The following CNDP1 variants were observed in gnomAD, a reference collection of about 807,000 sequenced individuals.
CNDP1 encodes the protein beta-Ala-His dipeptidase.
In CNDP1, 44 loss-of-function variants were observed where a neutral mutation model predicts 58.1. That is an observed-to-expected ratio of 0.76 (90% CI 0.60 to 0.97). The LOEUF (loss-of-function observed/expected upper bound fraction) is 0.97. Among genes scored for constraint, CNDP1 ranks in the 50% least tolerant of loss-of-function variants. The probability of loss-of-function intolerance (pLI) is 0.00; values close to 1 mark genes in which losing one functional copy is unlikely to be tolerated. For missense variants in CNDP1, 616 were observed against 655.1 expected (o/e 0.94, Z 0.65); for synonymous variants, 254 against 252.6 (o/e 1.01, Z -0.05).
intron 9 of CNDP1, 42 bp downstream of exon 9, chr18:74,578,369 T>C: frequency 6.4e-7 from 1 of 1,556,500 alleles, no homozygotes; most frequent in Non-Finnish European, 8.8e-7. Context: ...TTCAGTAACA[T>C]GGTTTCTGAA....
chr18:74,536,091 G>C (rs981652460), intron 1 of CNDP1, among the ~76,000 whole-genome samples: 6 of 152,176 alleles, frequency 3.9e-5, no homozygotes, highest in African/African-American at 1.4e-4. Flanking sequence ...TGATATGAAA[G>C]AGAGGAAGAG....
In CNDP1 at chr18:74,567,224, G is replaced by A. The variant is rs1487331458; in HGVS notation, c.556-9G>A. 4 of 1,612,928 alleles carry A rather than the reference G, an allele frequency of 2.5e-6. No individual in the cohort carries two copies. Among genetic ancestry groups the A allele is most frequent in the South Asian group, 1.1e-5 (1 of 91,058 alleles). On this transcript the variant is annotated splice_polypyrimidine_tract_variant and intron_variant, in intron 5 of 11. Transcript: ENST00000358821. Reference sequence around the variant, plus strand: ...ACTTGTGCAATTTTTTTCTTCTGTTGTTACTTAGGATCTTCCTGTGAATAT... The same window carrying A: ...ACTTGTGCAATTTTTTTCTTCTGTTATTACTTAGGATCTTCCTGTGAATAT...
intron 7 of CNDP1, chr18:74,576,615 G>A (rs1378794492): frequency 1.6e-5 from 6 of 386,668 alleles, no homozygotes; most frequent in Non-Finnish European, 2.3e-5. Flanking sequence ...GCAGGCCCAG[G>A]TGTTTTCAGC....
chr18:74,563,623 A>G (rs1317230823), intron 5 of CNDP1, among the ~76,000 whole-genome samples: 1 of 152,196 alleles, frequency 6.6e-6, no homozygotes, highest in Non-Finnish European at 1.5e-5. Context: ...GTGAAGAAAC[A>G]TCTCCATGGG....
At chr18:74,558,392 C>CTTTT (rs71168498) in intron 2 of CNDP1, among the ~76,000 whole-genome samples, 32,234 of 110,414 alleles carry the variant, frequency 0.29, 5,036 homozygotes, top group Non-Finnish European at 0.33. Flanking sequence ...CTTTCTTTTT[C>CTTTT]TTTTTTTTTT....
intron 1 of CNDP1, 49 bp downstream of exon 1, chr18:74,534,740 C>T: frequency 1.2e-6 from 2 of 1,609,992 alleles, no homozygotes; most frequent in Non-Finnish European, 1.7e-6. Flanking sequence ...TGCCAGAATT[C>T]CATTTGTCCC....
At chr18:74,579,509 C>T (rs1391319153) in intron 9 of CNDP1, among the ~76,000 whole-genome samples, 1 of 152,046 alleles carries the variant, frequency 6.6e-6, no homozygotes, top group African/African-American at 2.4e-5. Flanking sequence ...AGAACAGTCT[C>T]TGGGACATGA....
intron 7 of CNDP1, among the ~76,000 whole-genome samples, chr18:74,572,289 T>C (rs1209959489): frequency 2.0e-5 from 3 of 152,098 alleles, no homozygotes; most frequent in Non-Finnish European, 4.4e-5. Context: ...GAGCTGCCCA[T>C]AGTGGGTTCC....
At chr18:74,577,622 A>T (rs1004847786) in intron 8 of CNDP1, 15 of 152,610 alleles carry the variant, frequency 9.8e-5, no homozygotes, top group African/African-American at 3.6e-4. Flanking sequence ...CGAGAGGGGG[A>T]AAAGCAAGCT....
Position 74,538,887 on chromosome 18 carries a change from G to A in CNDP1, c.24+4196G>A, listed in dbSNP as rs192568482. ...AAGGGATTCTGACAGAGAACCTGTCGCCTTTGACAACATTTTCAACTTCGA... is the reference window on the plus strand; with the variant it reads ...AAGGGATTCTGACAGAGAACCTGTCACCTTTGACAACATTTTCAACTTCGA... On this transcript the variant is annotated intron_variant, in intron 1 of 11. Transcript: ENST00000358821. Among the ~76,000 whole-genome samples, 6 of 152,170 alleles carry A rather than the reference G, an allele frequency of 3.9e-5. No homozygotes were observed. The East Asian group carries it at 9.7e-4, about 24-fold the overall frequency.
At position 74,552,299 on chromosome 18, in the gene CNDP1, A is replaced by G. The variant is rs529464923; in HGVS notation, c.25-4039A>G. Among the ~76,000 whole-genome samples, 11 of 152,370 alleles carry G rather than the reference A, an allele frequency of 7.2e-5. No individual in the cohort carries two copies. The East Asian group carries it at 2.1e-3, about 29-fold the overall frequency. On this transcript the variant is annotated intron_variant, in intron 1 of 11. Coordinates refer to ENST00000358821, the MANE Select transcript of CNDP1 (RefSeq NM_032649.6). The stretch of plus-strand genomic sequence containing the variant: ...ATGACTGTATTGTGATATAATTCTT[A>G]TACCTTACAACTGGCCCATTTAAAG...
chr18:74,572,949 A>G (rs1313948168), intron 7 of CNDP1, among the ~76,000 whole-genome samples: 1 of 152,186 alleles, frequency 6.6e-6, no homozygotes, highest in Admixed American at 6.5e-5. Context: ...CAATCAGCCC[A>G]GATGGCCCAG....
Position 74,552,464 on chromosome 18 carries a change from T to C in CNDP1, c.25-3874T>C, listed in dbSNP as rs186031520. The stretch of plus-strand genomic sequence containing the variant: ...TGGGTAACCACCAATCTACTTTCTG[T>C]CTCTATGAAGTTACCTACTCTAGAC... On this transcript the variant is annotated intron_variant, in intron 1 of 11. Coordinates refer to ENST00000358821, the MANE Select transcript of CNDP1 (RefSeq NM_032649.6). Among the ~76,000 whole-genome samples, 7 of 152,324 alleles carry C rather than the reference T, an allele frequency of 4.6e-5. No homozygotes were observed. In the South Asian group the frequency reaches 1.0e-3, roughly 23 times the overall value.
intron 1 of CNDP1, among the ~76,000 whole-genome samples, chr18:74,544,490 G>T (rs188186810): frequency 1.3e-3 from 197 of 152,222 alleles, no homozygotes; most frequent in African/African-American, 4.6e-3. Context: ...GCCGAAGCAG[G>T]TGGATCACCT....
intron 1 of CNDP1, among the ~76,000 whole-genome samples, chr18:74,552,469 A>G (rs551797987): frequency 1.3e-5 from 2 of 152,260 alleles, no homozygotes; most frequent in South Asian, 2.1e-4. Context: ...TTCTGTCTCT[A>G]TGAAGTTACC....
chr18:74,538,456 G>T (rs1393249522), intron 1 of CNDP1, among the ~76,000 whole-genome samples: 4 of 152,198 alleles, frequency 2.6e-5, no homozygotes, highest in Admixed American at 6.5e-5. Context: ...CATGTGGGTT[G>T]TTTCCACCAT....
Position 74,580,193 on chromosome 18 carries a change from A to G in CNDP1, c.1231A>G (p.Met411Val). The change falls in exon 10 of 12, where the codon ATG (methionine) becomes GTG (valine). Residue 411 changes from methionine to valine, a missense_variant. By Grantham distance (21) the Met-to-Val change is conservative. Coordinates refer to ENST00000358821, the MANE Select transcript of CNDP1 (RefSeq NM_032649.6). ...RNSSNKMVVS[M>V]TLGLHPWIAN... ...TAGTTCCAACAAGATGGTTGTTTCC[A>G]TGACTCTAGGACTACACCCGTGGAT... is the stretch of plus-strand genomic sequence containing the variant. 1 of 1,614,098 alleles carries G rather than the reference A, an allele frequency of 6.2e-7. No homozygotes were observed. Among genetic ancestry groups the G allele is most frequent in the Non-Finnish European group, 8.5e-7 (1 of 1,179,928 alleles).
chr18:74,570,807 T>C (rs1366500034), intron 6 of CNDP1, among the ~76,000 whole-genome samples: 1 of 152,110 alleles, frequency 6.6e-6, no homozygotes, highest in Non-Finnish European at 1.5e-5. Flanking sequence ...AGAAAGCTTC[T>C]CAGAAATCAA....
intron 1 of CNDP1, among the ~76,000 whole-genome samples, chr18:74,540,957 A>C (rs1980606398): frequency 6.6e-6 from 1 of 152,236 alleles, no homozygotes; most frequent in Non-Finnish European, 1.5e-5. Flanking sequence ...CTTCTAATGA[A>C]GTGATGCCGA....
Sources: gnomAD v4.1 joint callset for allele counts (sites outside exome capture counted in the v4.1 genomes callset) on GRCh38, gnomAD v4.1.1 for gene constraint, MANE v1.5 for transcripts, NCBI Gene and HGNC (gene_info 2026-07-23, HGNC 2026-07-21) for gene names.